Variants in UBR7 observed in about 807,000 individuals in gnomAD.
The protein encoded by UBR7 is putative E3 ubiquitin-protein ligase UBR7.
A neutral mutation model predicts 57.0 loss-of-function variants in UBR7; 22 were observed. The observed-to-expected ratio is 0.39, with a 90% CI of 0.28 to 0.55. UBR7 has a LOEUF of 0.55. UBR7 is among the 20% of genes least tolerant of loss of function. The pLI is 0.69. For synonymous variants in UBR7, 167 were observed against 179.8 expected, an observed-to-expected ratio of 0.93 and a Z score of 0.57; for missense variants, 395 against 513.2, an observed-to-expected ratio of 0.77 and a Z score of 2.23.
chr14:93,207,501 C>T lies in UBR7; in HGVS notation c.150+60C>T, dbSNP rs1894389435. On this transcript the variant is annotated intron_variant, in intron 1 of 10. Transcript: ENST00000013070. ...TCCCGCCGAACCTCCCCTTCCCGGC[C>T]CGGCTGTCCCTATTCCCGCCTTGCC... The T allele has an allele frequency of 4.1e-6, 6 of 1,481,226 alleles. 1 individual carries two copies. The highest frequency in any genetic ancestry group is 5.4e-6 in the Non-Finnish European group (6 of 1,121,478). The allele number at this position is 1,481,226 out of a possible 1,614,324, so 91.8% of individuals were successfully genotyped here. A position where few individuals can be genotyped will look rare whatever the true frequency, so the allele number is the denominator to read the frequency against.
At chr14:93,225,745 C>T (rs1025907231) in intron 10 of UBR7, among the ~76,000 whole-genome samples, 7 of 152,210 alleles carry the variant, frequency 4.6e-5, no homozygotes, top group Non-Finnish European at 7.4e-5. Flanking sequence ...CTACTCTGCA[C>T]GTTAGCTGTG....
chr14:93,215,053 A>T (rs1285278772), intron 5 of UBR7, 71 bp downstream of exon 5: 1 of 1,452,834 alleles, frequency 6.9e-7, no homozygotes, highest in Non-Finnish European at 9.5e-7. Flanking sequence ...TTACATTATA[A>T]TTAGTCTTCT....
At chr14:93,218,839 G>C in intron 7 of UBR7, 104 bp downstream of exon 7, 2 of 1,224,664 alleles carry the variant, frequency 1.6e-6, no homozygotes, top group Non-Finnish European at 2.3e-6. Context: ...CGGATCACCT[G>C]AGGTCACGGG....
intron 5 of UBR7, 81 bp from the exon 6 acceptor site, chr14:93,215,095 T>G: frequency 4.9e-6 from 7 of 1,423,322 alleles, no homozygotes; most frequent in Non-Finnish European, 6.8e-6. Context: ...GATCAGTGTA[T>G]TATTACAGTA....
chr14:93,221,882 C>T lies in UBR7; in HGVS notation c.1124-431C>T, dbSNP rs149914446. ...CCTGTAGTCCCAGCTACTCGGGAGG[C>T]GGAGGTTGCAGTGAGCCGAGATCGT... On this transcript the variant is annotated intron_variant, in intron 9 of 10. Coordinates refer to ENST00000013070, the MANE Select transcript of UBR7 (RefSeq NM_175748.4). 7.0e-3 allele frequency among the ~76,000 whole-genome samples: 1,059 copies of T among 152,020 alleles called. 13 individuals carry two copies. The highest frequency in any genetic ancestry group is 0.025 in the African/African-American group (1,024 of 41,470).
intron 6 of UBR7, among the ~76,000 whole-genome samples, chr14:93,216,646 C>CA (rs563141211): frequency 2.0e-5 from 3 of 150,298 alleles, no homozygotes; most frequent in Admixed American, 1.3e-4. Flanking sequence ...GACAGAGTCT[C>CA]ACTGTGTTAT....
chr14:93,228,090 T>C lies in UBR7; in HGVS notation c.*1055T>C, dbSNP rs1271331608. 2 of 685,044 alleles carry C rather than the reference T, an allele frequency of 2.9e-6. No individual in the cohort carries two copies. The highest frequency in any genetic ancestry group is 1.8e-5 in the African/African-American group (1 of 57,090). 42.4% of individuals were successfully genotyped at this position (685,044 alleles called of 1,614,324 possible). On this transcript the variant is annotated 3_prime_UTR_variant, in exon 11 of 11. Coordinates refer to ENST00000013070, the MANE Select transcript of UBR7 (RefSeq NM_175748.4). Reference sequence around the variant, plus strand: ...GAGCCCTGTTTTGGAAGAGACAGACTGTGGAAGAGATTACAAACAAGGCCC... The same window carrying C: ...GAGCCCTGTTTTGGAAGAGACAGACCGTGGAAGAGATTACAAACAAGGCCC...
intron 4 of UBR7, 73 bp downstream of exon 4, chr14:93,212,200 G>A (rs1052380605): frequency 3.5e-6 from 4 of 1,158,398 alleles, no homozygotes; most frequent in Non-Finnish European, 5.1e-6. Flanking sequence ...TGTCATATCC[G>A]AGCCTCTGGC....
rs550348209 is a variant in UBR7, at chr14:93,227,132, C to T, written c.*97C>T. ...GTTCACATTTGGCCCCCTTTCCGTC[C>T]TCCTCTGTTTGGAGAGGCCTCGCGC... is the stretch of plus-strand genomic sequence containing the variant. On this transcript the variant is annotated 3_prime_UTR_variant, in exon 11 of 11. Transcript: ENST00000013070. 1.4e-5 allele frequency: 13 copies of T among 949,186 alleles called. No individual in the cohort carries two copies. Among genetic ancestry groups the T allele is most frequent in the Middle Eastern group, 2.2e-4 (1 of 4,604 alleles). The allele number at this position is 949,186 out of a possible 1,614,324, so 58.8% of individuals were successfully genotyped here. A position where few individuals can be genotyped will look rare whatever the true frequency, so the allele number is the denominator to read the frequency against.
At chr14:93,226,883 A>G (rs2140110701) in intron 10 of UBR7, 60 bp from the exon 11 acceptor site, 1 of 1,153,246 alleles carries the variant, frequency 8.7e-7, no homozygotes, top group African/African-American at 1.5e-5. Context: ...GAATGCTATG[A>G]CCTCGGATTG....
rs145299420 is a variant in UBR7, at chr14:93,211,268, C to T, written c.345+560C>T. On this transcript the variant is annotated intron_variant, in intron 3 of 10. Coordinates refer to ENST00000013070, the MANE Select transcript of UBR7 (RefSeq NM_175748.4). ...AAACAAACAAAAACAATAAATAGGC[C>T]GGGCACGGTGGCTCACACCTGTAAT... is the stretch of plus-strand genomic sequence containing the variant. Among the ~76,000 whole-genome samples the T allele has an allele frequency of 6.0e-5, 9 of 151,098 alleles. No homozygotes were observed. The East Asian group carries it at 1.2e-3, about 20-fold the overall frequency.
intron 10 of UBR7, 52 bp downstream of exon 10, chr14:93,222,426 G>A: frequency 1.5e-6 from 2 of 1,333,870 alleles, no homozygotes; most frequent in Non-Finnish European, 2.2e-6. Flanking sequence ...TTGAATGAAG[G>A]GTTTATTTCC....
In UBR7 at chr14:93,228,336, C is replaced by T. The variant is rs747208804; in HGVS notation, c.*1301C>T. ...TAGAGAACCCTCAGCTTCTCTCTGC[C>T]TCTGGAGGACCAAGGTCTTTCCTGA... On this transcript the variant is annotated 3_prime_UTR_variant, in exon 11 of 11. Coordinates refer to ENST00000013070, the MANE Select transcript of UBR7 (RefSeq NM_175748.4). 1.3e-5 allele frequency: 6 copies of T among 454,954 alleles called. No individual in the cohort carries two copies. Among genetic ancestry groups the T allele is most frequent in the Non-Finnish European group, 2.6e-5 (6 of 227,234 alleles). 28.2% of individuals were successfully genotyped at this position (454,954 alleles called of 1,614,324 possible). A position where few individuals can be genotyped will look rare whatever the true frequency, so the allele number is the denominator to read the frequency against.
In UBR7 at chr14:93,229,170, C is replaced by T. The variant is rs1357149620; in HGVS notation, c.*2135C>T. ...ACTGGACTTATAATTACATACTTAA[C>T]TCTGATCAGGTTTCTGTAAAATTTA... On this transcript the variant is annotated 3_prime_UTR_variant, in exon 11 of 11. Transcript: ENST00000013070. 1.8e-5 allele frequency: 6 copies of T among 334,526 alleles called. No individual in the cohort carries two copies. The highest frequency in any genetic ancestry group is 4.2e-5 in the Admixed American group (1 of 23,534). The allele number at this position is 334,526 out of a possible 1,614,324, so 20.7% of individuals were successfully genotyped here.
At chr14:93,218,816 G>A in intron 7 of UBR7, 81 bp downstream of exon 7, 2 of 1,464,014 alleles carry the variant, frequency 1.4e-6, no homozygotes, top group Non-Finnish European at 1.9e-6. Flanking sequence ...AGCACTTTGG[G>A]AGGCTGAGGT....
chr14:93,220,374 C>T lies in UBR7; in HGVS notation c.1086C>T (p.Ser362=). 1 of 1,613,908 alleles carries T rather than the reference C, an allele frequency of 6.2e-7. No homozygotes were observed. Among genetic ancestry groups the T allele is most frequent in the Non-Finnish European group, 8.5e-7 (1 of 1,179,980 alleles). Residue 362 remains serine, a synonymous_variant, in exon 9 of 11, where the codon AGC becomes AGT. Coordinates refer to ENST00000013070, the MANE Select transcript of UBR7 (RefSeq NM_175748.4). ...DRSDPLMDTL[S]SMNRVQQVEL... is the part of the protein sequence containing the mutation. Reference sequence around the variant, plus strand: ...GCGATCCCCTAATGGATACCCTTAGCAGCATGAATAGAGTCCAGCAAGTGG... The same window carrying T: ...GCGATCCCCTAATGGATACCCTTAGTAGCATGAATAGAGTCCAGCAAGTGG...
At position 93,215,184 on chromosome 14, in the gene UBR7, T is replaced by A; in HGVS notation, c.504T>A (p.Gly168=). 1 of 1,576,650 alleles carries A rather than the reference T, an allele frequency of 6.3e-7. No homozygotes were observed. Among genetic ancestry groups the A allele is most frequent in the Non-Finnish European group, 8.6e-7 (1 of 1,159,742 alleles). ...CEDWFHGRHL[G]AIPPESGDFQ... ...GTGTTCTATATTCACAGCATCTTGG[T>A]GCCATTCCCCCTGAGAGTGGGGATT... Residue 168 remains glycine (G), a synonymous_variant, in exon 6 of 11, where the codon GGT becomes GGA. Transcript: ENST00000013070.
intron 2 of UBR7, 41 bp from the exon 3 acceptor site, chr14:93,210,607 G>T: frequency 6.5e-7 from 1 of 1,529,902 alleles, no homozygotes; most frequent in Non-Finnish European, 8.9e-7. Context: ...ATTGGATTTT[G>T]TAAAAAGAAA....
intron 1 of UBR7, among the ~76,000 whole-genome samples, chr14:93,207,704 G>C (rs1894394893): frequency 6.6e-6 from 1 of 152,184 alleles, no homozygotes; most frequent in Non-Finnish European, 1.5e-5. Flanking sequence ...CCCTGGAGCA[G>C]CTGCTCTGTC....
Sources: gnomAD v4.1 joint callset for allele counts (sites outside exome capture counted in the v4.1 genomes callset) on GRCh38, gnomAD v4.1.1 for gene constraint, MANE v1.5 for transcripts, NCBI Gene and HGNC (gene_info 2026-07-23, HGNC 2026-07-21) for gene names.